The following DLGAP4 variants were observed in gnomAD, a reference collection of about 807,000 sequenced individuals.
The protein encoded by DLGAP4 is DLG associated protein 4.
A neutral mutation model predicts 86.9 loss-of-function variants in DLGAP4; 18 were observed. The observed-to-expected ratio is 0.21, with a 90% CI of 0.14 to 0.31. The LOEUF (loss-of-function observed/expected upper bound fraction) is 0.31, where lower values mean the gene tolerates loss of function less well. Ranked by LOEUF, DLGAP4 falls within the 10% of genes least tolerant of loss-of-function variation. The probability of loss-of-function intolerance (pLI) is 1.00; values close to 1 mark genes in which losing one functional copy is unlikely to be tolerated. For missense variants in DLGAP4, 1,085 were observed against 1,362.6 expected (o/e 0.80, Z 3.21); for synonymous variants, 548 against 574.3 (o/e 0.95, Z 0.65).
At chr20:36,507,283 A>G (rs142492840) in intron 10 of DLGAP4, among the ~76,000 whole-genome samples, 1 of 152,026 alleles carries the variant, frequency 6.6e-6, no homozygotes, top group Non-Finnish European at 1.5e-5. Context: ...GCTGGAGTGC[A>G]GTGGTACAAT....
intron 7 of DLGAP4, among the ~76,000 whole-genome samples, chr20:36,481,662 A>G (rs1205162953): frequency 6.6e-6 from 1 of 152,166 alleles, no homozygotes; most frequent in Non-Finnish European, 1.5e-5. Context: ...AGTGGCTGGC[A>G]CTGTGCATGG....
intron 2 of DLGAP4, among the ~76,000 whole-genome samples, chr20:36,394,252 G>T (rs1395954919): frequency 1.3e-5 from 2 of 152,194 alleles, no homozygotes; most frequent in Non-Finnish European, 2.9e-5. Context: ...ATCCGCCCGT[G>T]TGGTTAGATG....
chr20:36,484,285 A>G (rs185960705), intron 7 of DLGAP4, among the ~76,000 whole-genome samples: 1 of 152,342 alleles, frequency 6.6e-6, no homozygotes, highest in East Asian at 1.9e-4. Flanking sequence ...CAGCCAGCAG[A>G]CAGCTTCCCA....
chr20:36,417,466 C>T (rs542964610), intron 2 of DLGAP4, among the ~76,000 whole-genome samples: 6 of 152,138 alleles, frequency 3.9e-5, no homozygotes, highest in Non-Finnish European at 8.8e-5. Context: ...ACTGAAGCCT[C>T]AACCTCCCAG....
At chr20:36,486,474 C>T (rs1354286794) in intron 7 of DLGAP4, among the ~76,000 whole-genome samples, 3 of 151,948 alleles carry the variant, frequency 2.0e-5, no homozygotes, top group South Asian at 4.2e-4. Flanking sequence ...GGTCCAAAGG[C>T]CCCACGTGGG....
At chr20:36,401,143 A>G (rs1600484277) in intron 2 of DLGAP4, among the ~76,000 whole-genome samples, 1 of 151,580 alleles carries the variant, frequency 6.6e-6, no homozygotes, top group South Asian at 2.1e-4. Context: ...AACAGCACCC[A>G]TCCAATCCTG....
chr20:36,397,809 T>C (rs1222694200), intron 2 of DLGAP4, among the ~76,000 whole-genome samples: 1 of 152,246 alleles, frequency 6.6e-6, no homozygotes, highest in Admixed American at 6.5e-5. Context: ...TTCGTTGAGA[T>C]TGGCTTTGCA....
intron 1 of DLGAP4, among the ~76,000 whole-genome samples, chr20:36,310,363 G>C (rs1307664797): frequency 2.0e-5 from 3 of 152,154 alleles, no homozygotes; most frequent in Non-Finnish European, 4.4e-5. Flanking sequence ...CCACAGGGAG[G>C]CTGGTGGTGG....
intron 7 of DLGAP4, among the ~76,000 whole-genome samples, chr20:36,495,078 C>T (rs1055990378): frequency 1.4e-5 from 2 of 147,352 alleles, no homozygotes; most frequent in South Asian, 2.2e-4. Flanking sequence ...CTGCAACCTC[C>T]GCCTCCCAAG....
At chr20:36,516,277 CATA>C (rs913154047) in intron 10 of DLGAP4, among the ~76,000 whole-genome samples, 3 of 152,174 alleles carry the variant, frequency 2.0e-5, no homozygotes, top group Non-Finnish European at 4.4e-5. Flanking sequence ...AGAGAGTTGG[CATA>C]ATGCTAACAA....
chr20:36,380,324 C>G (rs1043536298), intron 2 of DLGAP4, among the ~76,000 whole-genome samples: 4 of 151,836 alleles, frequency 2.6e-5, no homozygotes, highest in African/African-American at 9.7e-5. Flanking sequence ...ATGGGAGGAT[C>G]ACTTGAGCCC....
chr20:36,307,136 G>T (rs3922959), intron 1 of DLGAP4, among the ~76,000 whole-genome samples: 10,949 of 152,148 alleles, frequency 0.072, 937 homozygotes, highest in African/African-American at 0.21. Context: ...GCTGCATAGC[G>T]CCCCCTCCCT....
chr20:36,322,972 C>T (rs1413559066), intron 1 of DLGAP4, among the ~76,000 whole-genome samples: 5 of 151,690 alleles, frequency 3.3e-5, no homozygotes, highest in Admixed American at 6.6e-5. Context: ...CCCAGGAGTT[C>T]GAGACCAGCC....
At chr20:36,364,075 C>G (rs1555894440) in intron 1 of DLGAP4, among the ~76,000 whole-genome samples, 1 of 151,978 alleles carries the variant, frequency 6.6e-6, no homozygotes, top group South Asian at 2.1e-4. Context: ...GTTGCAGAAT[C>G]TTTTTGTTTT....
At chr20:36,377,506 G>T (rs1357658337) in intron 2 of DLGAP4, among the ~76,000 whole-genome samples, 1 of 152,222 alleles carries the variant, frequency 6.6e-6, no homozygotes, top group Non-Finnish European at 1.5e-5. Context: ...CTCGGTGAAT[G>T]GTGGCTATTA....
rs531269954 is a variant in DLGAP4, at chr20:36,516,494, C to T, written c.2513-7756C>T. ...CAGCCTGGGCAACATGGTGAAACTC[C>T]ATCTTTACTAAAATACAAAAAGTTA... On this transcript the variant is annotated intron_variant, in intron 10 of 12. Transcript: ENST00000339266. Among the ~76,000 whole-genome samples, 10 of 151,906 alleles carry T rather than the reference C, an allele frequency of 6.6e-5. No homozygotes were observed. In the South Asian group the frequency reaches 2.1e-3, roughly 32 times the overall value.
intron 1 of DLGAP4, among the ~76,000 whole-genome samples, chr20:36,317,268 TTTCTTTC>T (rs1739999278): frequency 2.9e-5 from 1 of 34,042 alleles, no homozygotes; most frequent in Non-Finnish European, 4.8e-5. Context: ...TCTTTCTTTC[TTTCTTTC>T]TTATCTTTCT....
chr20:36,338,229 G>A (rs993951875), intron 1 of DLGAP4, among the ~76,000 whole-genome samples: 4 of 152,198 alleles, frequency 2.6e-5, no homozygotes, highest in Non-Finnish European at 5.9e-5. Flanking sequence ...TGCAAGGGGG[G>A]AGGCAGGAGG....
Position 36,321,832 on chromosome 20 carries a change from T to C in DLGAP4, c.-304+15320T>C, listed in dbSNP as rs373025404. On this transcript the variant is annotated intron_variant, in intron 1 of 12. Coordinates refer to ENST00000339266, the MANE Select transcript of DLGAP4 (RefSeq NM_001365621.2). ...AAAACCCAAAGTATAGAGACAAATA[T>C]ACAGATCCCCCTCGATCTACCTGCA... Among the ~76,000 whole-genome samples the C allele has an allele frequency of 7.9e-5, 12 of 151,574 alleles. No individual in the cohort carries two copies. The East Asian group carries it at 1.6e-3, about 20-fold the overall frequency.
Sources: gnomAD v4.1 joint callset for allele counts (sites outside exome capture counted in the v4.1 genomes callset) on GRCh38, gnomAD v4.1.1 for gene constraint, MANE v1.5 for transcripts, NCBI Gene and HGNC (gene_info 2026-07-23, HGNC 2026-07-21) for gene names.